FTO: variants seen among roughly 807,000 people sequenced by gnomAD.
The protein encoded by FTO is FTO alpha-ketoglutarate dependent dioxygenase, also known as alpha-ketoglutarate-dependent dioxygenase FTO.
Under a neutral mutation model 63.9 loss-of-function variants are expected in FTO, and 47 were observed. The ratio of observed to expected loss-of-function variants is 0.74; its 90% confidence interval spans 0.58 to 0.94. The LOEUF (loss-of-function observed/expected upper bound fraction) is 0.94. Among genes scored for constraint, FTO ranks in the 40% least tolerant of loss-of-function variants. The pLI, the probability that FTO is intolerant of heterozygous loss-of-function variation, is 0.00. For synonymous variants in FTO, 207 were observed against 224.4 expected (o/e 0.92, Z 0.69); for missense variants, 562 against 618.1 (o/e 0.91, Z 0.96).
At chr16:53,844,799 C>T (rs1249880918) in intron 4 of FTO, among the ~76,000 whole-genome samples, 1 of 152,084 alleles carries the variant, frequency 6.6e-6, no homozygotes, top group Non-Finnish European at 1.5e-5. Context: ...TGCAGAGTTC[C>T]TCAAATATGC....
intron 8 of FTO, among the ~76,000 whole-genome samples, chr16:54,073,166 A>T (rs180955723): frequency 2.0e-5 from 3 of 152,256 alleles, no homozygotes; most frequent in African/African-American, 7.2e-5. Flanking sequence ...TCCCTATTCA[A>T]GCATTCTCTG....
rs779478992 is a variant in FTO, at chr16:54,119,148, C to G, written c.*7233C>G. On this transcript the variant is annotated 3_prime_UTR_variant, in exon 9 of 9. Transcript: ENST00000471389. ...GACTCCATGCACCCTGTGGAAACTG[C>G]CTTTCTTGAGTAGAGGTACGTTCAG... 6.6e-6 allele frequency: 1 copy of G among 152,140 alleles called. No individual in the cohort carries two copies. Among genetic ancestry groups the G allele is most frequent in the Non-Finnish European group, 1.5e-5 (1 of 68,032 alleles). The allele number at this position is 152,140 out of a possible 1,614,324, so 9.4% of individuals were successfully genotyped here.
intron 8 of FTO, among the ~76,000 whole-genome samples, chr16:53,984,620 C>T (rs1170611691): frequency 6.6e-6 from 1 of 152,110 alleles, no homozygotes; most frequent in Non-Finnish European, 1.5e-5. Context: ...TGTGCCCATC[C>T]AGAATGTGTT....
intron 8 of FTO, among the ~76,000 whole-genome samples, chr16:54,084,011 C>T (rs7192832): frequency 0.46 from 69,242 of 151,950 alleles, 15,885 homozygotes; most frequent in Middle Eastern, 0.54. Context: ...CAGCATGATG[C>T]TGAAAGGAAA....
chr16:53,883,471 A>G (rs2080898109), intron 6 of FTO, among the ~76,000 whole-genome samples: 1 of 151,950 alleles, frequency 6.6e-6, no homozygotes, highest in Non-Finnish European at 1.5e-5. Context: ...AAATACAAAA[A>G]GTTAGCCAGG....
chr16:53,867,692 A>G (rs942548455), intron 4 of FTO, among the ~76,000 whole-genome samples: 11 of 152,162 alleles, frequency 7.2e-5, no homozygotes, highest in African/African-American at 2.6e-4. Flanking sequence ...GAAATAGTCT[A>G]TGTATGTCAG....
At chr16:53,729,075 C>T (rs533867148) in intron 1 of FTO, among the ~76,000 whole-genome samples, 4 of 151,922 alleles carry the variant, frequency 2.6e-5, no homozygotes, top group East Asian at 2.0e-4. Flanking sequence ...GGAGGCTGCA[C>T]TTCTGTCTCC....
chr16:53,912,177 A>G (rs2081726245), intron 7 of FTO, among the ~76,000 whole-genome samples: 1 of 53,808 alleles, frequency 1.9e-5, no homozygotes, highest in African/African-American at 4.2e-5. Context: ...TACTAGGAGA[A>G]GGATCAAATT....
intron 8 of FTO, among the ~76,000 whole-genome samples, chr16:54,014,850 CTT>C (rs149634902): frequency 2.5e-4 from 26 of 102,928 alleles, no homozygotes; most frequent in African/African-American, 5.9e-4. Context: ...CTCTCTCTCT[CTT>C]TTTTTTTTTT....
At chr16:54,010,354 C>A (rs1599198392) in intron 8 of FTO, among the ~76,000 whole-genome samples, 1 of 152,122 alleles carries the variant, frequency 6.6e-6, no homozygotes. Flanking sequence ...TGCAGTTAGC[C>A]AAGATTGCGC....
chr16:53,753,729 A>G (rs2076853270), intron 1 of FTO, among the ~76,000 whole-genome samples: 1 of 152,192 alleles, frequency 6.6e-6, no homozygotes. Context: ...ATCTCTGACA[A>G]AGAGCTCATT....
intron 3 of FTO, among the ~76,000 whole-genome samples, chr16:53,831,463 GA>G (rs397745790): frequency 3.3e-5 from 5 of 151,394 alleles, no homozygotes; most frequent in Middle Eastern, 3.4e-3. Flanking sequence ...CAAAGGGGGG[GA>G]AAAAACTTAT....
intron 8 of FTO, among the ~76,000 whole-genome samples, chr16:54,024,292 C>T (rs543868410): frequency 2.6e-5 from 4 of 152,238 alleles, no homozygotes; most frequent in Admixed American, 6.5e-5. Flanking sequence ...GGCACTATCT[C>T]GGCTCACTGC....
At chr16:53,930,266 C>T (rs2082249671) in intron 7 of FTO, among the ~76,000 whole-genome samples, 1 of 142,036 alleles carries the variant, frequency 7.0e-6, no homozygotes, top group Middle Eastern at 3.8e-3. Context: ...GTCTCGCTCC[C>T]AGGCTGGAGT....
chr16:53,954,968 C>T (rs1339487112), intron 8 of FTO, among the ~76,000 whole-genome samples: 4 of 152,014 alleles, frequency 2.6e-5, no homozygotes, highest in Non-Finnish European at 5.9e-5. Flanking sequence ...TTTGGTGGAC[C>T]TCTATTTTTA....
intron 8 of FTO, among the ~76,000 whole-genome samples, chr16:53,997,138 AAGAAAG>A (rs1380599356): frequency 1.3e-4 from 8 of 59,924 alleles, no homozygotes; most frequent in East Asian, 1.5e-3. Flanking sequence ...GAAAGAAGGA[AAGAAAG>A]AGAGAGAGAG....
At chr16:53,851,147 T>C (rs933422614) in intron 4 of FTO, among the ~76,000 whole-genome samples, 1 of 151,958 alleles carries the variant, frequency 6.6e-6, no homozygotes. Context: ...CCTTTTTCTT[T>C]AAAAATGTAG....
At chr16:53,770,285 TG>T (rs2077304278) in intron 1 of FTO, among the ~76,000 whole-genome samples, 1 of 152,182 alleles carries the variant, frequency 6.6e-6, no homozygotes, top group Non-Finnish European at 1.5e-5. Flanking sequence ...CTACTATATT[TG>T]AAAAGATTTT....
rs1382847315 is a variant in FTO, at chr16:53,842,632, CTT to C, written c.752-1522_752-1521del. On this transcript the variant is annotated intron_variant, in intron 3 of 8. Transcript: ENST00000471389. ...TTATTATCCTTCCAGAAAAATCAGTCTTGAGTATCCTTCCAGAAATACTATAT... is the reference window on the plus strand; with the variant it reads ...TTATTATCCTTCCAGAAAAATCAGTCGAGTATCCTTCCAGAAATACTATAT... Among the ~76,000 whole-genome samples, 8 of 152,184 alleles carry C rather than the reference CTT, an allele frequency of 5.3e-5. No homozygotes were observed. In the East Asian group the frequency reaches 1.5e-3, roughly 29 times the overall value.
Sources: allele counts gnomAD v4.1 joint callset (sites outside exome capture counted in the v4.1 genomes callset), GRCh38; gene constraint gnomAD v4.1.1; transcripts MANE v1.5; gene names NCBI Gene and HGNC (gene_info 2026-07-23, HGNC 2026-07-21).